The following AGMO variants were observed in gnomAD, a reference collection of about 807,000 sequenced individuals.
The protein encoded by AGMO is glyceryl-ether monooxygenase.
Under a neutral mutation model 60.2 loss-of-function variants are expected in AGMO, and 75 were observed. That is an observed-to-expected ratio of 1.25 (90% CI 1.03 to 1.51). AGMO has a LOEUF of 1.51. Ranked by LOEUF, AGMO falls within the 40% of genes most tolerant of loss-of-function variation. The pLI, the probability that AGMO is intolerant of heterozygous loss-of-function variation, is 0.00. For synonymous variants in AGMO, 261 were observed against 177.1 expected (o/e 1.47, Z -3.76); for missense variants, 763 against 525.5 (o/e 1.45, Z -4.42).
the AGMO span, among the ~76,000 whole-genome samples, chr7:15,138,817 G>A: frequency 6.9e-6 from 1 of 145,582 alleles, no homozygotes. Flanking sequence ...TGTAAGGCCT[G>A]AGTCTATAAA....
chr7:15,258,469 C>A (rs989336832), intron 12 of AGMO, among the ~76,000 whole-genome samples: 1 of 151,660 alleles, frequency 6.6e-6, no homozygotes, highest in South Asian at 2.1e-4. Flanking sequence ...CACTTTAATC[C>A]GGGAGGCGGA....
intron 5 of AGMO, among the ~76,000 whole-genome samples, chr7:15,406,883 G>A (rs1280875822): frequency 8.2e-6 from 1 of 122,390 alleles, no homozygotes; most frequent in Non-Finnish European, 1.7e-5. Context: ...AACGGTGCCA[G>A]TTCAGGTCAG....
intron 12 of AGMO, among the ~76,000 whole-genome samples, chr7:15,261,163 A>G (rs1783258508): frequency 6.6e-6 from 1 of 151,986 alleles, no homozygotes; most frequent in Non-Finnish European, 1.5e-5. Context: ...AAATAATCAG[A>G]GCAGAACTAA....
At chr7:15,383,034 C>A (rs1783757173) in intron 10 of AGMO, among the ~76,000 whole-genome samples, 1 of 151,676 alleles carries the variant, frequency 6.6e-6, no homozygotes, top group Non-Finnish European at 1.5e-5. Flanking sequence ...TCTTCATAGA[C>A]CATGAGGATC....
At chr7:15,161,229 C>T in the AGMO span, among the ~76,000 whole-genome samples, 1 of 152,146 alleles carries the variant, frequency 6.6e-6, no homozygotes. Context: ...AATCAGTACA[C>T]TTTGAATGAA....
At chr7:15,546,683 T>C (rs757447097) in intron 2 of AGMO, among the ~76,000 whole-genome samples, 5 of 152,108 alleles carry the variant, frequency 3.3e-5, no homozygotes, top group Admixed American at 1.3e-4. Context: ...AGGCCAAGGG[T>C]TCCCAAAGTG....
At chr7:15,402,859 T>G (rs1784589348) in intron 5 of AGMO, among the ~76,000 whole-genome samples, 1 of 151,668 alleles carries the variant, frequency 6.6e-6, no homozygotes, top group Non-Finnish European at 1.5e-5. Flanking sequence ...ATGTCTCTTG[T>G]CAGCCAGTTC....
At chr7:15,354,407 CACACGTGTGTGTATACACACACGT>C (rs1782404159) in intron 12 of AGMO, among the ~76,000 whole-genome samples, 2 of 19,262 alleles carry the variant, frequency 1.0e-4, no homozygotes, top group African/African-American at 3.1e-4. Flanking sequence ...CGTGTGTGTA[CACACGTGTGTGTATACACACACGT>C]GTGTGTATAC....
chr7:15,117,257 T>C, the AGMO span, among the ~76,000 whole-genome samples: 1 of 152,118 alleles, frequency 6.6e-6, no homozygotes, highest in Non-Finnish European at 1.5e-5. Context: ...GATTAGCGGT[T>C]TCCAAGGCTT....
intron 3 of AGMO, among the ~76,000 whole-genome samples, chr7:15,521,772 C>T (rs1347128221): frequency 6.6e-6 from 1 of 152,156 alleles, no homozygotes; most frequent in East Asian, 1.9e-4. Context: ...GAAGCATTTC[C>T]TTTGAAAACT....
At chr7:15,298,804 T>C (rs982566950) in intron 12 of AGMO, among the ~76,000 whole-genome samples, 1 of 152,214 alleles carries the variant, frequency 6.6e-6, no homozygotes, top group African/African-American at 2.4e-5. Flanking sequence ...TTCTATTCTT[T>C]TGTCTAAAAT....
intron 3 of AGMO, among the ~76,000 whole-genome samples, chr7:15,520,187 G>A (rs1231068182): frequency 6.6e-6 from 1 of 152,070 alleles, no homozygotes; most frequent in African/African-American, 2.4e-5. Context: ...GGAGCACCCA[G>A]ATTCATAAAG....
the AGMO span, among the ~76,000 whole-genome samples, chr7:15,156,273 G>A: frequency 0.013 from 2,051 of 152,326 alleles, 41 homozygotes; most frequent in African/African-American, 0.045. Context: ...ATCTGCCAGT[G>A]AAAGAGCTAT....
At chr7:15,221,622 G>A (rs1330003567) in intron 12 of AGMO, among the ~76,000 whole-genome samples, 1 of 152,022 alleles carries the variant, frequency 6.6e-6, no homozygotes, top group African/African-American at 2.4e-5. Context: ...GCTTTTGTTT[G>A]TAGGCACACT....
the AGMO span, among the ~76,000 whole-genome samples, chr7:15,137,282 C>G: frequency 2.0e-5 from 3 of 151,874 alleles, no homozygotes; most frequent in Non-Finnish European, 2.9e-5. Flanking sequence ...TCTACTGGAA[C>G]GATTACTTTT....
the AGMO span, among the ~76,000 whole-genome samples, chr7:15,185,363 C>A: frequency 6.6e-6 from 1 of 152,046 alleles, no homozygotes; most frequent in African/African-American, 2.4e-5. Flanking sequence ...CAGTAAAGTA[C>A]ATTAGGTTTC....
chr7:15,351,751 C>A (rs922937752), intron 12 of AGMO, among the ~76,000 whole-genome samples: 16 of 152,214 alleles, frequency 1.1e-4, no homozygotes, highest in Non-Finnish European at 1.9e-4. Context: ...TTATCAAATG[C>A]AATTCTTTTT....
chr7:15,452,142 A>C (rs1562514554), intron 3 of AGMO, among the ~76,000 whole-genome samples: 1 of 152,220 alleles, frequency 6.6e-6, no homozygotes, highest in Non-Finnish European at 1.5e-5. Context: ...CTCTTAAAGG[A>C]AAATATAAGT....
the AGMO span, among the ~76,000 whole-genome samples, chr7:15,122,384 C>T: frequency 5.9e-5 from 9 of 152,234 alleles, no homozygotes; most frequent in South Asian, 1.0e-3. Context: ...TCTTTGTTCA[C>T]ATCAGATTTC....
Sources: allele counts gnomAD v4.1 joint callset (sites outside exome capture counted in the v4.1 genomes callset), GRCh38; gene constraint gnomAD v4.1.1; transcripts MANE v1.5; gene names NCBI Gene and HGNC (gene_info 2026-07-23, HGNC 2026-07-21).